Variants in VPS13B observed in about 807,000 individuals in gnomAD.
VPS13B encodes vacuolar protein sorting 13 homolog B.
VPS13B carries 285 observed loss-of-function variants against 426.4 expected under a neutral mutation model. That is an observed-to-expected ratio of 0.67 (90% CI 0.61 to 0.74). The LOEUF is 0.74. Among genes scored for constraint, VPS13B ranks in the 30% least tolerant of loss-of-function variants. VPS13B has a pLI of 0.00. For synonymous variants in VPS13B, 1,676 were observed against 1,676.4 expected (o/e 1.00, Z 0.01); for missense variants, 4,537 against 4,782.6 (o/e 0.95, Z 1.51).
chr8:99,623,822 A>G (rs967290383), intron 33 of VPS13B, among the ~76,000 whole-genome samples: 4 of 152,014 alleles, frequency 2.6e-5, no homozygotes, highest in African/African-American at 9.7e-5. Flanking sequence ...AGCATTGCTT[A>G]TATACTTTCC....
chr8:99,018,569 A>G (rs561471820), intron 2 of VPS13B, among the ~76,000 whole-genome samples: 1 of 152,276 alleles, frequency 6.6e-6, no homozygotes, highest in Non-Finnish European at 1.5e-5. Flanking sequence ...ACATCTTTCT[A>G]TCCAATACTT....
intron 16 of VPS13B, among the ~76,000 whole-genome samples, chr8:99,185,622 C>A (rs1813180929): frequency 6.6e-6 from 1 of 152,118 alleles, no homozygotes; most frequent in Non-Finnish European, 1.5e-5. Flanking sequence ...TTAGATCCAG[C>A]TGTTGCTGAG....
At chr8:99,354,615 T>C (rs1203839953) in intron 19 of VPS13B, among the ~76,000 whole-genome samples, 2 of 152,192 alleles carry the variant, frequency 1.3e-5, no homozygotes. Context: ...AAATTCATTC[T>C]GGTTATTTAT....
intron 11 of VPS13B, among the ~76,000 whole-genome samples, chr8:99,136,394 A>G (rs369902702): frequency 3.9e-5 from 6 of 152,170 alleles, no homozygotes; most frequent in African/African-American, 1.4e-4. Flanking sequence ...GGAGTGTACT[A>G]TCTCCTCCAT....
At chr8:99,547,167 T>C (rs563643731) in intron 30 of VPS13B, among the ~76,000 whole-genome samples, 1 of 152,162 alleles carries the variant, frequency 6.6e-6, no homozygotes, top group South Asian at 2.1e-4. Context: ...TTCCTCAGCC[T>C]AGTCCAGACC....
At chr8:99,308,655 T>G (rs1383580323) in intron 19 of VPS13B, among the ~76,000 whole-genome samples, 1 of 152,182 alleles carries the variant, frequency 6.6e-6, no homozygotes, top group Non-Finnish European at 1.5e-5. Context: ...TGCATGTGTC[T>G]TTATAGCAGC....
At chr8:99,131,530 A>G (rs1807496822) in intron 8 of VPS13B, among the ~76,000 whole-genome samples, 2 of 152,252 alleles carry the variant, frequency 1.3e-5, no homozygotes, top group Non-Finnish European at 1.5e-5. Flanking sequence ...ATAGCAATAA[A>G]GCGAGTCACA....
chr8:99,348,541 T>G (rs1011016583), intron 19 of VPS13B, among the ~76,000 whole-genome samples: 1 of 152,218 alleles, frequency 6.6e-6, no homozygotes, highest in African/African-American at 2.4e-5. Context: ...ATGATGTTAG[T>G]TTCCCTGTGG....
At chr8:99,735,237 G>A (rs934897094) in intron 39 of VPS13B, among the ~76,000 whole-genome samples, 1 of 152,152 alleles carries the variant, frequency 6.6e-6, no homozygotes, top group African/African-American at 2.4e-5. Context: ...TAAATAAATA[G>A]TAGATGAGTA....
At chr8:99,314,774 AT>A (rs986425642) in intron 19 of VPS13B, among the ~76,000 whole-genome samples, 4 of 152,240 alleles carry the variant, frequency 2.6e-5, no homozygotes, top group African/African-American at 9.6e-5. Flanking sequence ...AGAGCTAATG[AT>A]ATTTGCTTTA....
At chr8:99,723,623 T>C (rs117227846) in intron 39 of VPS13B, among the ~76,000 whole-genome samples, 6 of 152,088 alleles carry the variant, frequency 3.9e-5, no homozygotes, top group Admixed American at 3.3e-4. Context: ...TGGAGTATGA[T>C]GGATGACTCT....
chr8:99,242,822 T>G (rs1223735922), intron 17 of VPS13B, among the ~76,000 whole-genome samples: 1 of 152,228 alleles, frequency 6.6e-6, no homozygotes, highest in Non-Finnish European at 1.5e-5. Context: ...GTAAATAGTT[T>G]GTAATGCCTT....
chr8:99,877,048 GA>G lies in VPS13B; in HGVS notation c.*1383del, dbSNP rs1318963623. 27 of 152,226 alleles carry G rather than the reference GA, an allele frequency of 1.8e-4. No homozygotes were observed. The highest frequency in any genetic ancestry group is 6.5e-4 in the African/African-American group (27 of 41,512). The allele number at this position is 152,226 out of a possible 1,614,324, so 9.4% of individuals were successfully genotyped here. A position where few individuals can be genotyped will look rare whatever the true frequency, so the allele number is the denominator to read the frequency against. ...GCTGATTTTTAAAATTTTTTCTAGA[GA>G]TGAGGTCTCACTATGTTGCCCAGCT... is the stretch of plus-strand genomic sequence containing the variant. On this transcript the variant is annotated 3_prime_UTR_variant, in exon 62 of 62. Transcript: ENST00000357162.
intron 19 of VPS13B, among the ~76,000 whole-genome samples, chr8:99,302,197 CTG>C (rs1221857365): frequency 6.6e-6 from 1 of 152,198 alleles, no homozygotes. Flanking sequence ...TAGCTCCAAA[CTG>C]TCTAGCCAGA....
At chr8:99,521,863 A>G (rs1413508432) in intron 30 of VPS13B, among the ~76,000 whole-genome samples, 1 of 152,184 alleles carries the variant, frequency 6.6e-6, no homozygotes, top group East Asian at 1.9e-4. Context: ...AAATAGATCT[A>G]GGAACTTTAT....
intron 40 of VPS13B, among the ~76,000 whole-genome samples, chr8:99,775,552 G>A (rs1450094674): frequency 1.3e-5 from 2 of 152,178 alleles, no homozygotes; most frequent in Admixed American, 1.3e-4. Context: ...CAGCCACCAT[G>A]TGCAGACATC....
intron 23 of VPS13B, among the ~76,000 whole-genome samples, chr8:99,459,628 A>G (rs1488031058): frequency 6.6e-6 from 1 of 152,188 alleles, no homozygotes; most frequent in African/African-American, 2.4e-5. Flanking sequence ...ATTAATTGTT[A>G]ATAATGGTAA....
chr8:99,055,494 G>T (rs769204729), intron 3 of VPS13B, among the ~76,000 whole-genome samples: 13 of 152,140 alleles, frequency 8.5e-5, no homozygotes, highest in Non-Finnish European at 1.3e-4. Context: ...GCATCTTAAC[G>T]ATGTTAAGTA....
At chr8:99,453,192 AT>A (rs1280052191) in intron 23 of VPS13B, among the ~76,000 whole-genome samples, 1 of 151,460 alleles carries the variant, frequency 6.6e-6, no homozygotes, top group African/African-American at 2.4e-5. Flanking sequence ...TTAGTGGTTT[AT>A]ATGTATTGTT....
Sources: allele counts gnomAD v4.1 joint callset (sites outside exome capture counted in the v4.1 genomes callset), GRCh38; gene constraint gnomAD v4.1.1; transcripts MANE v1.5; gene names NCBI Gene and HGNC (gene_info 2026-07-23, HGNC 2026-07-21).